Variants in LHFPL7 observed in about 807,000 individuals in gnomAD.
The protein encoded by LHFPL7 is LHFPL tetraspan subfamily member 7, also known as LHFPL tetraspan subfamily member 7 protein.
chr22:24,937,800 C>T, the LHFPL7 span, among the ~76,000 whole-genome samples: 2 of 152,214 alleles, frequency 1.3e-5, no homozygotes, highest in Non-Finnish European at 2.9e-5. Context: ...AGCATCTTCT[C>T]AGTTCTCAGC....
chr22:24,942,437 C>T, the LHFPL7 span, among the ~76,000 whole-genome samples: 1 of 152,198 alleles, frequency 6.6e-6, no homozygotes, highest in Non-Finnish European at 1.5e-5. Context: ...GAAAGGAAGC[C>T]CAGAAGGGTG....
chr22:24,938,103 TA>T, the LHFPL7 span: 1 of 1,586,842 alleles, frequency 6.3e-7, no homozygotes, highest in Non-Finnish European at 8.6e-7. Context: ...ATTCATTCCA[TA>T]AATATGTCTA....
the LHFPL7 span, among the ~76,000 whole-genome samples, chr22:24,937,321 C>A: frequency 6.6e-6 from 1 of 152,056 alleles, no homozygotes. Flanking sequence ...GCAGAGGGAG[C>A]AAGCATGGTG....
the LHFPL7 span, among the ~76,000 whole-genome samples, chr22:24,945,583 G>T: frequency 6.6e-5 from 10 of 152,232 alleles, no homozygotes; most frequent in Admixed American, 5.2e-4. Context: ...ATGTTTACTA[G>T]GGCAGCCGGA....
chr22:24,938,070 C>CTCT, the LHFPL7 span: 9 of 1,498,512 alleles, frequency 6.0e-6, no homozygotes, highest in South Asian at 9.1e-5. Flanking sequence ...TGCTCACAGA[C>CTCT]TCATTCATTC....
the LHFPL7 span, among the ~76,000 whole-genome samples, chr22:24,940,973 CT>C: frequency 6.6e-6 from 1 of 151,596 alleles, no homozygotes; most frequent in Non-Finnish European, 1.5e-5. Flanking sequence ...AATTAGAAAC[CT>C]TTTTTCTTTT....
chr22:24,935,387 G>A, the LHFPL7 span: 1 of 1,611,736 alleles, frequency 6.2e-7, no homozygotes, highest in Non-Finnish European at 8.5e-7. Context: ...TGGAGAAGAT[G>A]ATGGTCCTCC....
chr22:24,942,855 T>G, the LHFPL7 span, among the ~76,000 whole-genome samples: 1 of 148,792 alleles, frequency 6.7e-6, no homozygotes, highest in Non-Finnish European at 1.5e-5. Flanking sequence ...CTCTGGAAAA[T>G]GGGAGTGAGG....
the LHFPL7 span, chr22:24,938,347 G>A: frequency 5.6e-6 from 9 of 1,612,492 alleles, no homozygotes; most frequent in East Asian, 1.6e-4. Context: ...AGCCTCCGAG[G>A]AGCATCACAG....
the LHFPL7 span, among the ~76,000 whole-genome samples, chr22:24,940,595 C>CA: frequency 3.7e-3 from 466 of 124,346 alleles, 1 homozygote; most frequent in Middle Eastern, 0.018. Context: ...GACTCCGTCT[C>CA]AAAAAAAAAA....
the LHFPL7 span, among the ~76,000 whole-genome samples, chr22:24,943,260 C>T: frequency 6.6e-6 from 1 of 152,198 alleles, no homozygotes; most frequent in Non-Finnish European, 1.5e-5. Flanking sequence ...AGGCGTTTCT[C>T]ACCTTGAAAG....
chr22:24,943,317 G>A, the LHFPL7 span, among the ~76,000 whole-genome samples: 1 of 152,142 alleles, frequency 6.6e-6, no homozygotes, highest in Non-Finnish European at 1.5e-5. Context: ...GGAAAATCAC[G>A]TCAACCGTCC....
chr22:24,939,674 C>G, the LHFPL7 span: 107 of 636,156 alleles, frequency 1.7e-4, 1 homozygote, highest in South Asian at 1.8e-3. Context: ...CATCAGCCCC[C>G]CTTGAGCCTG....
At chr22:24,935,444 G>A in the LHFPL7 span, 4 of 1,613,878 alleles carry the variant, frequency 2.5e-6, no homozygotes, top group Non-Finnish European at 3.4e-6. Flanking sequence ...GCAGGAGGCT[G>A]GCCAGGACTG....
At chr22:24,939,479 G>A in the LHFPL7 span, 5 of 703,000 alleles carry the variant, frequency 7.1e-6, no homozygotes, top group African/African-American at 7.0e-5. Context: ...AGATGAGGCT[G>A]AAGGCTGAGG....
chr22:24,939,000 G>A, the LHFPL7 span, among the ~76,000 whole-genome samples: 1 of 152,194 alleles, frequency 6.6e-6, no homozygotes, highest in Admixed American at 6.5e-5. Context: ...TAATTTGCAC[G>A]AAGGTGCTAC....
chr22:24,942,884 G>A, the LHFPL7 span, among the ~76,000 whole-genome samples: 506 of 146,270 alleles, frequency 3.5e-3, 4 homozygotes, highest in African/African-American at 0.012. Context: ...GAAGCTTCAA[G>A]GGGATAAAGT....
the LHFPL7 span, among the ~76,000 whole-genome samples, chr22:24,942,601 G>A: frequency 6.6e-6 from 1 of 152,180 alleles, no homozygotes; most frequent in Non-Finnish European, 1.5e-5. Context: ...GGAATTCTGG[G>A]GTTAGAGGCC....
At chr22:24,935,560 T>C in the LHFPL7 span, 3 of 1,613,232 alleles carry the variant, frequency 1.9e-6, no homozygotes, top group South Asian at 1.1e-5. Flanking sequence ...GCAAGGCCGA[T>C]TGGGAAAATC....
Sources: gnomAD v4.1 joint callset for allele counts (sites outside exome capture counted in the v4.1 genomes callset) on GRCh38, gnomAD v4.1.1 for gene constraint, MANE v1.5 for transcripts, NCBI Gene and HGNC (gene_info 2026-07-23, HGNC 2026-07-21) for gene names.